The following LRMDA variants were observed in gnomAD, a reference collection of about 807,000 sequenced individuals.
The protein encoded by LRMDA is leucine-rich melanocyte differentiation-associated protein.
A neutral mutation model predicts 29.8 loss-of-function variants in LRMDA; 18 were observed. The ratio of observed to expected loss-of-function variants is 0.60; its 90% CI spans 0.42 to 0.90. LRMDA has a LOEUF of 0.90. Among genes scored for constraint, LRMDA ranks in the 40% least tolerant of loss-of-function variants. The pLI, the probability that LRMDA is intolerant of heterozygous loss-of-function variation, is 0.00. For synonymous variants in LRMDA, 125 were observed against 109.4 expected, an observed-to-expected ratio of 1.14 and a Z score of -0.89; for missense variants, 273 against 273.9, an observed-to-expected ratio of 1.00 and a Z score of 0.02.
intron 6 of LRMDA, among the ~76,000 whole-genome samples, chr10:76,530,648 T>C (rs1049760841): frequency 1.3e-5 from 2 of 152,140 alleles, no homozygotes; most frequent in Non-Finnish European, 2.9e-5. Context: ...GCAAGAAATC[T>C]GCTAAGGTTT....
At chr10:76,420,249 A>G (rs1002332020) in intron 6 of LRMDA, among the ~76,000 whole-genome samples, 1 of 151,960 alleles carries the variant, frequency 6.6e-6, no homozygotes. Context: ...ATATATGACT[A>G]TTCTATTCTT....
At chr10:76,238,816 T>C (rs1405209631) in intron 5 of LRMDA, among the ~76,000 whole-genome samples, 1 of 151,658 alleles carries the variant, frequency 6.6e-6, no homozygotes, top group African/African-American at 2.4e-5. Context: ...TTTAATTTGA[T>C]CACATATCCC....
At chr10:76,477,434 C>G (rs147876388) in intron 6 of LRMDA, among the ~76,000 whole-genome samples, 54,838 of 151,688 alleles carry the variant, frequency 0.36, 10,992 homozygotes, top group Middle Eastern at 0.54. Flanking sequence ...ATTCCATGCT[C>G]ATGGATAGGA....
chr10:75,544,184 G>T (rs1840051033), intron 2 of LRMDA, among the ~76,000 whole-genome samples: 1 of 152,154 alleles, frequency 6.6e-6, no homozygotes, highest in Non-Finnish European at 1.5e-5. Flanking sequence ...TACGAGAAAA[G>T]ATACAGATTA....
At chr10:75,997,455 G>A (rs141934950) in intron 2 of LRMDA, among the ~76,000 whole-genome samples, 41 of 150,152 alleles carry the variant, frequency 2.7e-4, no homozygotes, top group Non-Finnish European at 5.8e-4. Context: ...GTATGTTCCA[G>A]GACATACATC....
At chr10:76,261,065 T>TTTTC (rs1554859998) in intron 5 of LRMDA, among the ~76,000 whole-genome samples, 40 of 24,352 alleles carry the variant, frequency 1.6e-3, no homozygotes, top group African/African-American at 0.01. Flanking sequence ...TTTTCTTTTC[T>TTTTC]TTTTTTTTTT....
intron 6 of LRMDA, among the ~76,000 whole-genome samples, chr10:76,468,888 G>GAGAGAGA (rs1842590737): frequency 6.6e-6 from 1 of 152,106 alleles, no homozygotes; most frequent in Admixed American, 6.5e-5. Context: ...GAAGAGAGAG[G>GAGAGAGA]AAGTGAGAAA....
intron 2 of LRMDA, among the ~76,000 whole-genome samples, chr10:75,638,345 C>T (rs149477227): frequency 2.1e-4 from 32 of 152,236 alleles, no homozygotes; most frequent in South Asian, 6.2e-4. Context: ...CCTTCTCAAG[C>T]GGCTTTCAGA....
At chr10:75,950,497 G>A (rs1355682276) in intron 2 of LRMDA, among the ~76,000 whole-genome samples, 1 of 152,180 alleles carries the variant, frequency 6.6e-6, no homozygotes, top group Non-Finnish European at 1.5e-5. Flanking sequence ...ACTGCACCCT[G>A]TTTGAGGGCC....
chr10:75,991,689 A>G (rs1847373006), intron 2 of LRMDA, among the ~76,000 whole-genome samples: 1 of 152,226 alleles, frequency 6.6e-6, no homozygotes, highest in South Asian at 2.1e-4. Flanking sequence ...ATGAGTGGGA[A>G]GTAGTGATGT....
At chr10:75,607,565 C>T (rs1840971335) in intron 2 of LRMDA, among the ~76,000 whole-genome samples, 1 of 152,186 alleles carries the variant, frequency 6.6e-6, no homozygotes, top group African/African-American at 2.4e-5. Flanking sequence ...ATGATTTTCT[C>T]AGGTCCTAAC....
chr10:75,973,482 G>A lies in LRMDA; in HGVS notation c.132-62526G>A, dbSNP rs142674322. ...GGCTCAAGCTGGAGTGCAATGGCATGATCTCCACTCACTGCAACCTCCACC... is the reference window on the plus strand; with the variant it reads ...GGCTCAAGCTGGAGTGCAATGGCATAATCTCCACTCACTGCAACCTCCACC... On this transcript the variant is annotated intron_variant, in intron 2 of 6. Transcript: ENST00000611255. Among the ~76,000 whole-genome samples, 840 of 149,518 alleles carry A rather than the reference G, an allele frequency of 5.6e-3. 36 individuals carry two copies. In the East Asian group the frequency reaches 0.12, roughly 22 times the overall value.
intron 5 of LRMDA, among the ~76,000 whole-genome samples, chr10:76,128,618 A>G (rs1849930251): frequency 6.6e-6 from 1 of 152,138 alleles, no homozygotes; most frequent in Non-Finnish European, 1.5e-5. Context: ...GATGTTTATG[A>G]TCCCCAGTGT....
chr10:75,768,219 G>T (rs1843194335), intron 2 of LRMDA, among the ~76,000 whole-genome samples: 1 of 152,202 alleles, frequency 6.6e-6, no homozygotes, highest in Non-Finnish European at 1.5e-5. Flanking sequence ...ACTCCCAGAA[G>T]TTGGATTGGC....
intron 2 of LRMDA, among the ~76,000 whole-genome samples, chr10:75,986,132 G>A (rs1847258563): frequency 6.6e-6 from 1 of 152,212 alleles, no homozygotes; most frequent in Non-Finnish European, 1.5e-5. Context: ...TTAGTGAGGA[G>A]AGAGTCATGA....
chr10:75,731,106 T>A (rs959155922), intron 2 of LRMDA, among the ~76,000 whole-genome samples: 2 of 152,250 alleles, frequency 1.3e-5, no homozygotes, highest in African/African-American at 2.4e-5. Flanking sequence ...GGGTTGATAC[T>A]GATGGAAATA....
intron 2 of LRMDA, among the ~76,000 whole-genome samples, chr10:75,628,990 T>C (rs1212787233): frequency 6.6e-6 from 1 of 152,260 alleles, no homozygotes; most frequent in African/African-American, 2.4e-5. Flanking sequence ...GCATTTTTAA[T>C]GTCTCCCCTT....
chr10:75,750,043 G>GT (rs755113817), intron 2 of LRMDA, among the ~76,000 whole-genome samples: 48 of 152,228 alleles, frequency 3.2e-4, no homozygotes, highest in Non-Finnish European at 6.3e-4. Flanking sequence ...CACAGACACT[G>GT]TAACAATCTG....
chr10:76,405,112 G>A (rs1841889064), intron 6 of LRMDA, among the ~76,000 whole-genome samples: 1 of 152,172 alleles, frequency 6.6e-6, no homozygotes, highest in South Asian at 2.1e-4. Context: ...TAATAAATCT[G>A]TGTTGTTTTA....
Sources: gnomAD v4.1 joint callset for allele counts (sites outside exome capture counted in the v4.1 genomes callset) on GRCh38, gnomAD v4.1.1 for gene constraint, MANE v1.5 for transcripts, NCBI Gene and HGNC (gene_info 2026-07-23, HGNC 2026-07-21) for gene names.